The following DNAH11 variants were observed in gnomAD, a reference collection of about 807,000 sequenced individuals.
DNAH11 encodes the protein dynein axonemal heavy chain 11.
DNAH11 carries 442 observed loss-of-function variants against 526.0 expected under a neutral mutation model. The observed-to-expected ratio is 0.84, with a 90% CI of 0.78 to 0.91. DNAH11 has a LOEUF of 0.91. Ranked by LOEUF, DNAH11 falls within the 40% of genes least tolerant of loss-of-function variation. DNAH11 has a pLI of 0.00. For synonymous variants in DNAH11, 2,461 were observed against 1,935.9 expected (o/e 1.27, Z -7.12); for missense variants, 6,989 against 5,448.7 (o/e 1.28, Z -8.90).
intron 31 of DNAH11, among the ~76,000 whole-genome samples, chr7:21,682,961 A>T (rs969026855): frequency 6.6e-6 from 1 of 152,144 alleles, no homozygotes; most frequent in Admixed American, 6.5e-5. Flanking sequence ...TTTGATAATG[A>T]ACTGTTTATA....
intron 45 of DNAH11, among the ~76,000 whole-genome samples, chr7:21,729,720 A>ATT (rs1306819700): frequency 2.1e-4 from 32 of 151,660 alleles, no homozygotes; most frequent in Non-Finnish European, 4.0e-4. Flanking sequence ...GTCTCACCAG[A>ATT]ACCATCTGAG....
intron 7 of DNAH11, among the ~76,000 whole-genome samples, chr7:21,571,527 G>T (rs192013943): frequency 6.6e-6 from 1 of 152,228 alleles, no homozygotes; most frequent in Non-Finnish European, 1.5e-5. Context: ...CGATCCTCCT[G>T]CCTCGGCCTC....
rs1432612074 is a variant in DNAH11, at chr7:21,698,148, G to T, written c.6115G>T (p.Ala2039Ser). 6.2e-7 allele frequency: 1 copy of T among 1,613,662 alleles called. No homozygotes were observed. Residue 2039 changes from alanine to serine, a missense_variant, in exon 36 of 82, where the codon GCG becomes TCG. Physicochemically the swap from Ala to Ser is moderately conservative, Grantham distance 99. Transcript: ENST00000409508. ...ILLVAEGFVD[A>S]RALARKFITL... ...GTTAGTTGCTGAAGGTTTTGTGGATGCGCGTGCATTAGCCCGAAAGTTCAT... is the reference window on the plus strand; with the variant it reads ...GTTAGTTGCTGAAGGTTTTGTGGATTCGCGTGCATTAGCCCGAAAGTTCAT...
intron 32 of DNAH11, among the ~76,000 whole-genome samples, chr7:21,685,618 A>G (rs982215880): frequency 6.6e-6 from 1 of 152,124 alleles, no homozygotes; most frequent in Non-Finnish European, 1.5e-5. Context: ...TCCTTCTTCC[A>G]TATGTGGATG....
chr7:21,797,758 CT>C (rs770608240), intron 61 of DNAH11, among the ~76,000 whole-genome samples: 34 of 152,236 alleles, frequency 2.2e-4, no homozygotes, highest in Non-Finnish European at 4.3e-4. Flanking sequence ...CACTCATGCC[CT>C]TAAGAGTTAC....
At chr7:21,815,623 C>G (rs955653347) in intron 63 of DNAH11, among the ~76,000 whole-genome samples, 2 of 152,074 alleles carry the variant, frequency 1.3e-5, no homozygotes, top group African/African-American at 4.8e-5. Flanking sequence ...TGTTAACCAC[C>G]CCACCAAGCT....
chr7:21,568,280 C>T (rs1783752091), intron 6 of DNAH11, among the ~76,000 whole-genome samples: 1 of 152,034 alleles, frequency 6.6e-6, no homozygotes, highest in Non-Finnish European at 1.5e-5. Context: ...GTGCTGGTAC[C>T]ATTGAGTGTG....
chr7:21,563,772 T>A (rs1489676646), intron 5 of DNAH11, among the ~76,000 whole-genome samples: 1 of 152,196 alleles, frequency 6.6e-6, no homozygotes, highest in Non-Finnish European at 1.5e-5. Context: ...AACAATTCAA[T>A]TGTGCTCATA....
rs1353394644 is a variant in DNAH11, at chr7:21,744,940, C to T, written c.8387C>T (p.Pro2796Leu). ...CACTTTGCTGATAGAGGGAAGGACC[C>T]ACATTACATGCCAGTGAAGGACTGG... ...YCHFADRGKD[P>L]HYMPVKDWEV... The change falls in exon 51 of 82, where the codon CCA becomes CTA. Residue 2796 changes from proline to leucine, a missense_variant. Physicochemically the swap from Pro to Leu is moderately conservative, Grantham distance 98. Transcript: ENST00000409508. 6.2e-7 allele frequency: 1 copy of T among 1,610,702 alleles called. No homozygotes were observed. Among genetic ancestry groups the T allele is most frequent in the African/African-American group, 1.3e-5 (1 of 75,022 alleles).
At chr7:21,652,815 C>T (rs1162781510) in intron 28 of DNAH11, among the ~76,000 whole-genome samples, 1 of 152,090 alleles carries the variant, frequency 6.6e-6, no homozygotes, top group Non-Finnish European at 1.5e-5. Context: ...ATTTGAGGTG[C>T]TCATATCCTT....
At chr7:21,564,048 AAG>A in intron 5 of DNAH11, 136 bp from the exon 6 acceptor site, 3 of 571,970 alleles carry the variant, frequency 5.2e-6, no homozygotes, top group South Asian at 3.4e-5. Context: ...ATTGTAGGAT[AAG>A]TAATATAAAA....
chr7:21,549,055 T>A (rs974719727), intron 2 of DNAH11, among the ~76,000 whole-genome samples: 1 of 152,088 alleles, frequency 6.6e-6, no homozygotes, highest in African/African-American at 2.4e-5. Context: ...TTTTTTGTAT[T>A]TTTAGTAGAG....
At chr7:21,846,787 CT>C (rs1159597062) in intron 66 of DNAH11, among the ~76,000 whole-genome samples, 1 of 152,096 alleles carries the variant, frequency 6.6e-6, no homozygotes, top group Non-Finnish European at 1.5e-5. Flanking sequence ...AGAATTGATA[CT>C]ATTTCTCCCT....
chr7:21,748,413 C>T (rs529152803), intron 51 of DNAH11, among the ~76,000 whole-genome samples, 167 bp from the exon 52 acceptor site: 7 of 152,214 alleles, frequency 4.6e-5, no homozygotes, highest in African/African-American at 1.7e-4. Flanking sequence ...AATCTGAATC[C>T]GGGAGGCGGA....
intron 25 of DNAH11, among the ~76,000 whole-genome samples, chr7:21,631,812 G>C (rs1055805500): frequency 3.3e-5 from 5 of 152,190 alleles, no homozygotes; most frequent in African/African-American, 7.2e-5. Flanking sequence ...AGCTGTCGGT[G>C]GATCTACCTT....
In DNAH11 at chr7:21,779,122, A is replaced by G. The variant is rs759293214; in HGVS notation, c.9483+18A>G. The G allele has an allele frequency of 1.0e-5, 16 of 1,606,850 alleles. No individual in the cohort carries two copies. The East Asian group carries it at 2.0e-4, about 20-fold the overall frequency. ...AGCGAAAGGTCAGGCTAATTCCAAC[A>G]TTTAGAGTGCGGAGCTATATTTAGC... On this transcript the variant is annotated intron_variant, in intron 57 of 81. Coordinates refer to ENST00000409508, the MANE Select transcript of DNAH11 (RefSeq NM_001277115.2).
chr7:21,787,250 T>C, intron 59 of DNAH11, 151 bp from the exon 60 acceptor site: 1 of 686,056 alleles, frequency 1.5e-6, no homozygotes, highest in Non-Finnish European at 2.4e-6. Context: ...CTTCGTACTA[T>C]AAAGACTGAA....
At chr7:21,674,528 T>C (rs897036873) in intron 30 of DNAH11, among the ~76,000 whole-genome samples, 1 of 152,126 alleles carries the variant, frequency 6.6e-6, no homozygotes, top group Non-Finnish European at 1.5e-5. Flanking sequence ...GCCTGGCTAA[T>C]GTTTTTGTAG....
intron 75 of DNAH11, among the ~76,000 whole-genome samples, chr7:21,882,180 T>C (rs145453839): frequency 1.8e-4 from 27 of 152,136 alleles, no homozygotes; most frequent in Non-Finnish European, 3.5e-4. Flanking sequence ...GAGGTGGAAA[T>C]GAAGGGGAGG....
Sources: gnomAD v4.1 joint callset for allele counts (sites outside exome capture counted in the v4.1 genomes callset) on GRCh38, gnomAD v4.1.1 for gene constraint, MANE v1.5 for transcripts, NCBI Gene and HGNC (gene_info 2026-07-23, HGNC 2026-07-21) for gene names.